SPEN: variants seen among roughly 807,000 people sequenced by gnomAD.
SPEN encodes the protein msx2-interacting protein.
A neutral mutation model predicts 269.9 loss-of-function variants in SPEN; 18 were observed. That is an observed-to-expected ratio of 0.07 (90% confidence interval 0.05 to 0.10). The LOEUF (loss-of-function observed/expected upper bound fraction) is 0.10, where lower values mean the gene tolerates loss of function less well. Among genes scored for constraint, SPEN ranks in the 10% least tolerant of loss-of-function variants. The pLI is 1.00. For missense variants in SPEN, 3,822 were observed against 4,631.2 expected, an observed-to-expected ratio of 0.83 and a Z score of 5.07; for synonymous variants, 1,726 against 1,765.7, an observed-to-expected ratio of 0.98 and a Z score of 0.56.
At chr1:15,884,979 C>T (rs1388447346) in intron 3 of SPEN, among the ~76,000 whole-genome samples, 1 of 152,132 alleles carries the variant, frequency 6.6e-6, no homozygotes, top group African/African-American at 2.4e-5. Flanking sequence ...GATCCACCTG[C>T]CTCCGCCTCC....
intron 4 of SPEN, among the ~76,000 whole-genome samples, chr1:15,910,515 T>C (rs1449519983): frequency 1.3e-5 from 2 of 152,082 alleles, no homozygotes; most frequent in African/African-American, 4.8e-5. Flanking sequence ...TACCCCAAAG[T>C]AGAAGGAATA....
rs1427169514 is a variant in SPEN, at chr1:15,857,808, G to C, written c.83+9658G>C. Among the ~76,000 whole-genome samples the C allele has an allele frequency of 2.6e-5, 4 of 152,012 alleles. No individual in the cohort carries two copies. In the East Asian group the frequency reaches 7.7e-4, roughly 29 times the overall value. ...TCTCAGTATCTGGGACTATAGGCAT[G>C]AGCCATAATGTCCAGCTAATTAAAA... On this transcript the variant is annotated intron_variant, in intron 1 of 14. Coordinates refer to ENST00000375759, the MANE Select transcript of SPEN (RefSeq NM_015001.3).
chr1:15,935,405 A>G lies in SPEN; in HGVS notation c.9165A>G (p.Thr3055=), dbSNP rs747901671. 2 of 1,614,118 alleles carry G rather than the reference A, an allele frequency of 1.2e-6. No homozygotes were observed. The highest frequency in any genetic ancestry group is 2.7e-5 in the African/African-American group (2 of 75,008). The stretch of plus-strand genomic sequence containing the variant: ...CTACGGCGCTCTCCACCAACGCCAC[A>G]GTCATGCTGGCTGCAGGCATCCCAG... ...TASTALSTNA[T]VMLAAGIPVP... Residue 3055 remains threonine (T), a synonymous_variant, in exon 11 of 15, where the codon ACA becomes ACG. Transcript: ENST00000375759. This position sits in a 1 kb window ranked among gnomAD's most constrained non-coding sequence, Gnocchi z 7.7.
Position 15,933,657 on chromosome 1 carries a change from C to T in SPEN, c.7417C>T (p.Pro2473Ser). ...SDPSIPIPTL[P>S]SVTAAKLSPP... ...TCCAAGCATCCCCATACCCACACTG[C>T]CTTCTGTAACTGCAGCAAAGCTCTC... Residue 2473 changes from proline to serine, a missense_variant, in exon 11 of 15, where the codon CCT (proline) becomes TCT (serine). Physicochemically the swap from Pro to Ser is moderately conservative, Grantham distance 74 (BLOSUM62 -1). Transcript: ENST00000375759. This position sits in a 1 kb window ranked among gnomAD's most constrained non-coding sequence, Gnocchi z 5.7. The T allele has an allele frequency of 6.2e-7, 1 of 1,614,146 alleles. No homozygotes were observed. The highest frequency in any genetic ancestry group is 8.5e-7 in the Non-Finnish European group (1 of 1,180,024).
chr1:15,895,364 T>C (rs973793345), intron 3 of SPEN, among the ~76,000 whole-genome samples: 2 of 152,248 alleles, frequency 1.3e-5, no homozygotes, highest in Non-Finnish European at 2.9e-5. Flanking sequence ...TTCTGCTTTC[T>C]GTCCTCATGA....
intron 2 of SPEN, chr1:15,874,048 T>C (rs2148711086): frequency 7.9e-7 from 1 of 1,266,282 alleles, no homozygotes; most frequent in Non-Finnish European, 1.0e-6. Context: ...TCCTCATTCG[T>C]TGGAATTGTA....
chr1:15,915,208 G>A (rs1452090273), intron 5 of SPEN, among the ~76,000 whole-genome samples: 1 of 152,106 alleles, frequency 6.6e-6, no homozygotes, highest in African/African-American at 2.4e-5. Flanking sequence ...CTGTGTCAGT[G>A]ATTATTTTTA....
At chr1:15,907,764 A>G (rs373959161) in intron 3 of SPEN, among the ~76,000 whole-genome samples, 8 of 152,228 alleles carry the variant, frequency 5.3e-5, no homozygotes, top group African/African-American at 1.7e-4. Flanking sequence ...GAATGCCATA[A>G]AAGCAAGCCA....
At chr1:15,872,765 T>C (rs1488631341) in intron 1 of SPEN, 51 bp from the exon 2 acceptor site, 1 of 1,442,738 alleles carries the variant, frequency 6.9e-7, no homozygotes, top group Admixed American at 2.3e-5. Flanking sequence ...TAAAAACTCA[T>C]TTTGGAAAAT....
chr1:15,851,340 T>TA (rs1273697638), intron 1 of SPEN, among the ~76,000 whole-genome samples: 1 of 152,206 alleles, frequency 6.6e-6, no homozygotes, highest in Non-Finnish European at 1.5e-5. Context: ...TTTGCGGATT[T>TA]AAAAAAATTA....
chr1:15,909,701 T>C (rs149832933), intron 4 of SPEN, among the ~76,000 whole-genome samples: 18 of 152,338 alleles, frequency 1.2e-4, no homozygotes, highest in African/African-American at 4.1e-4. Flanking sequence ...CTGACCGTAA[T>C]ATACTGTTAC....
At position 15,928,703 on chromosome 1, in the gene SPEN, G is replaced by A; in HGVS notation, c.2463G>A (p.Lys821=). 6.2e-7 allele frequency: 1 copy of A among 1,613,998 alleles called. No individual in the cohort carries two copies. The part of the protein sequence containing the change: ...KEKVEKDKTD[K]QKRKGKVHSP... ...AAGTGGAAAAGGACAAAACTGACAA[G>A]CAGAAACGCAAAGGAAAGGTTCACT... The change falls in exon 11 of 15, where the codon AAG becomes AAA. Residue 821 remains lysine, a synonymous_variant. Coordinates refer to ENST00000375759, the MANE Select transcript of SPEN (RefSeq NM_015001.3). This position sits in a 1 kb window ranked among gnomAD's most constrained non-coding sequence, Gnocchi z 5.7.
chr1:15,882,095 A>G (rs1430512858), intron 3 of SPEN, among the ~76,000 whole-genome samples: 5 of 152,170 alleles, frequency 3.3e-5, no homozygotes, highest in Non-Finnish European at 7.4e-5. Context: ...AAGTCCTTAT[A>G]AATAACACAT....
At chr1:15,938,136 C>A in intron 13 of SPEN, 130 bp downstream of exon 13, 1 of 867,578 alleles carries the variant, frequency 1.2e-6, no homozygotes, top group Non-Finnish European at 1.7e-6. Context: ...TTGAAACAGT[C>A]TCTGTCGCCT....
chr1:15,854,732 C>T lies in SPEN; in HGVS notation c.83+6582C>T, dbSNP rs561864509. The stretch of plus-strand genomic sequence containing the variant: ...TTAACCTCAGGTGATCTGCCCACCT[C>T]GGCCTCCCAAAGTGCTGGGATTATA... On this transcript the variant is annotated intron_variant, in intron 1 of 14. Transcript: ENST00000375759. 5.3e-5 allele frequency among the ~76,000 whole-genome samples: 8 copies of T among 152,230 alleles called. No homozygotes were observed. In the East Asian group the frequency reaches 1.5e-3, roughly 29 times the overall value.
chr1:15,908,589 A>T (rs553097794), intron 3 of SPEN, among the ~76,000 whole-genome samples: 1 of 152,024 alleles, frequency 6.6e-6, no homozygotes, highest in Admixed American at 6.6e-5. Flanking sequence ...CACCCAGCTA[A>T]TTTTTATATT....
intron 10 of SPEN, among the ~76,000 whole-genome samples, chr1:15,925,609 T>G (rs2071159157): frequency 6.6e-6 from 1 of 151,430 alleles, no homozygotes; most frequent in South Asian, 2.1e-4. Flanking sequence ...TTTTTTTTTT[T>G]GTAGAGATGG....
rs1366084262 is a variant in SPEN at position 15,884,491 on chromosome 1, A to C, written c.881+7813A>C. Reference sequence around the variant, plus strand: ...ATAAAGGTGAGGAAAACCATTAAGAATGGTGGCATTGTATGTATCAAAGTG... The same window carrying C: ...ATAAAGGTGAGGAAAACCATTAAGACTGGTGGCATTGTATGTATCAAAGTG... On this transcript the variant is annotated intron_variant, in intron 3 of 14. Coordinates refer to ENST00000375759, the MANE Select transcript of SPEN (RefSeq NM_015001.3). 2.0e-5 allele frequency among the ~76,000 whole-genome samples: 3 copies of C among 152,210 alleles called. No homozygotes were observed. The East Asian group carries it at 5.8e-4, about 29-fold the overall frequency.
At chr1:15,911,809 A>G (rs1043597674) in intron 5 of SPEN, among the ~76,000 whole-genome samples, 1 of 151,940 alleles carries the variant, frequency 6.6e-6, no homozygotes, top group Non-Finnish European at 1.5e-5. Context: ...AGAAATACAA[A>G]AATTAGCTGG....
Sources: gnomAD v4.1 joint callset for allele counts (sites outside exome capture counted in the v4.1 genomes callset) on GRCh38, gnomAD v4.1.1 for gene constraint, Gnocchi (gnomAD v3.1) non-coding constraint, MANE v1.5 for transcripts, NCBI Gene and HGNC (gene_info 2026-07-23, HGNC 2026-07-21) for gene names.